The following MIPOL1 variants were observed in gnomAD, a reference collection of about 807,000 sequenced individuals.
MIPOL1 encodes the protein mirror-image polydactyly gene 1 protein.
Under a neutral mutation model 60.9 loss-of-function variants are expected in MIPOL1, and 57 were observed. The ratio of observed to expected loss-of-function variants is 0.94; its 90% CI spans 0.76 to 1.17. MIPOL1 has a LOEUF of 1.17. Ranked by LOEUF, MIPOL1 falls within the 50% of genes most tolerant of loss-of-function variation. The pLI, the probability that MIPOL1 is intolerant of heterozygous loss-of-function variation, is 0.00. For missense variants in MIPOL1, 551 were observed against 511.6 expected (o/e 1.08, Z -0.74); for synonymous variants, 179 against 168.8 (o/e 1.06, Z -0.47).
At chr14:37,441,375 A>G (rs1238934159) in intron 11 of MIPOL1, among the ~76,000 whole-genome samples, 3 of 152,122 alleles carry the variant, frequency 2.0e-5, no homozygotes, top group Admixed American at 6.6e-5. Flanking sequence ...TTTAGGTCTT[A>G]TATTTAAGTA....
intron 4 of MIPOL1, 117 bp from the exon 5 acceptor site, chr14:37,268,541 C>G: frequency 2.7e-6 from 2 of 745,122 alleles, no homozygotes. Flanking sequence ...CATCTCTTTT[C>G]CTTTCCCTTC....
intron 12 of MIPOL1, among the ~76,000 whole-genome samples, chr14:37,516,008 G>A (rs1285544795): frequency 6.6e-6 from 1 of 152,174 alleles, no homozygotes; most frequent in East Asian, 1.9e-4. Context: ...TGCGATCTGA[G>A]GGGAATGCCT....
chr14:37,350,257 T>C (rs893555677), intron 9 of MIPOL1, among the ~76,000 whole-genome samples: 7 of 152,112 alleles, frequency 4.6e-5, no homozygotes, highest in Admixed American at 3.3e-4. Flanking sequence ...TTTTTATTTT[T>C]GTGGAGGTGT....
intron 7 of MIPOL1, among the ~76,000 whole-genome samples, chr14:37,288,251 C>A (rs964458903): frequency 1.3e-5 from 2 of 151,794 alleles, no homozygotes; most frequent in Non-Finnish European, 2.9e-5. Context: ...AAGCAATCTG[C>A]CCACCTTGAC....
chr14:37,447,700 T>G (rs987825736), intron 11 of MIPOL1, among the ~76,000 whole-genome samples: 2 of 152,178 alleles, frequency 1.3e-5, no homozygotes, highest in Admixed American at 1.3e-4. Context: ...TGGAGGTAAT[T>G]CAGTGCTATT....
chr14:37,417,485 T>G (rs918156513), intron 10 of MIPOL1, among the ~76,000 whole-genome samples: 3 of 152,134 alleles, frequency 2.0e-5, no homozygotes, highest in Admixed American at 6.6e-5. Context: ...AAATACACAA[T>G]GGTAAGCAAT....
intron 3 of MIPOL1, among the ~76,000 whole-genome samples, chr14:37,260,346 A>G (rs2082437068): frequency 6.6e-6 from 1 of 151,914 alleles, no homozygotes; most frequent in Non-Finnish European, 1.5e-5. Flanking sequence ...GTTCCAGTAT[A>G]TTTTAGGAAG....
At chr14:37,229,322 T>G (rs1970261280) in intron 1 of MIPOL1, among the ~76,000 whole-genome samples, 1 of 152,098 alleles carries the variant, frequency 6.6e-6, no homozygotes. Flanking sequence ...CAGCTAGTAT[T>G]TTTTGTAGAG....
chr14:37,218,931 A>G (rs972908218), intron 1 of MIPOL1, among the ~76,000 whole-genome samples: 1 of 138,950 alleles, frequency 7.2e-6, no homozygotes, highest in Non-Finnish European at 1.5e-5. Context: ...TTTCAAAAAA[A>G]AAAAAAAAAA....
chr14:37,298,551 A>G (rs1181963130), intron 7 of MIPOL1, among the ~76,000 whole-genome samples: 1 of 152,322 alleles, frequency 6.6e-6, no homozygotes, highest in South Asian at 2.1e-4. Flanking sequence ...CAACCTACTC[A>G]TCTGACAAAG....
intron 7 of MIPOL1, among the ~76,000 whole-genome samples, chr14:37,293,832 C>A (rs1211100914): frequency 1.3e-5 from 2 of 152,164 alleles, no homozygotes; most frequent in Non-Finnish European, 2.9e-5. Context: ...TGGGTGGGGC[C>A]CACCACAGCT....
intron 12 of MIPOL1, chr14:37,507,215 G>C (rs1463315118): frequency 1.3e-5 from 2 of 152,102 alleles, no homozygotes; most frequent in African/African-American, 4.8e-5. Context: ...CAAGGATCTA[G>C]AACTAGAAAT....
intron 10 of MIPOL1, among the ~76,000 whole-genome samples, chr14:37,414,624 G>C (rs570293959): frequency 6.6e-6 from 1 of 151,914 alleles, no homozygotes; most frequent in Non-Finnish European, 1.5e-5. Flanking sequence ...ACCTTTTACT[G>C]CTTCAAGGTT....
At chr14:37,355,993 G>A (rs1208410792) in intron 9 of MIPOL1, among the ~76,000 whole-genome samples, 2 of 143,506 alleles carry the variant, frequency 1.4e-5, no homozygotes, top group African/African-American at 5.1e-5. Flanking sequence ...CTGCTTTTTA[G>A]AGTTTCCAGT....
chr14:37,535,169 T>C (rs2095500312), intron 12 of MIPOL1, among the ~76,000 whole-genome samples: 1 of 152,190 alleles, frequency 6.6e-6, no homozygotes, highest in African/African-American at 2.4e-5. Context: ...TATTAATTGA[T>C]ATGATTGATT....
rs1259646956 is a variant in MIPOL1, at chr14:37,549,706, T to TG, written c.*2735_*2736insG. 6.6e-6 allele frequency: 1 copy of TG among 151,960 alleles called. No homozygotes were observed. The highest frequency in any genetic ancestry group is 2.4e-5 in the African/African-American group (1 of 41,446). 9.4% of individuals were successfully genotyped at this position (151,960 alleles called of 1,614,324 possible). A position where few individuals can be genotyped will look rare whatever the true frequency, so the allele number is the denominator to read the frequency against. ...TAATCAAAAGATTGTACACATTTTT[T>TG]TCAATGAAGTACAATAATGTGAACT... On this transcript the variant is annotated 3_prime_UTR_variant, in exon 13 of 13. Coordinates refer to ENST00000684589, the MANE Select transcript of MIPOL1 (RefSeq NM_001388067.1).
At chr14:37,467,828 C>T (rs1050726463) in intron 11 of MIPOL1, among the ~76,000 whole-genome samples, 10 of 151,732 alleles carry the variant, frequency 6.6e-5, no homozygotes, top group Non-Finnish European at 1.3e-4. Context: ...GCTGAGGTGG[C>T]GGATCACCTG....
chr14:37,330,858 C>A (rs2089618869), intron 9 of MIPOL1, among the ~76,000 whole-genome samples: 1 of 152,008 alleles, frequency 6.6e-6, no homozygotes, highest in South Asian at 2.1e-4. Flanking sequence ...GTTAAACAGA[C>A]AAGTGATAAA....
intron 12 of MIPOL1, among the ~76,000 whole-genome samples, chr14:37,526,318 C>T (rs2095446042): frequency 6.7e-6 from 1 of 148,630 alleles, no homozygotes; most frequent in Non-Finnish European, 1.5e-5. Context: ...TATTGCTGTA[C>T]TATACAGTGA....
Sources: allele counts gnomAD v4.1 joint callset (sites outside exome capture counted in the v4.1 genomes callset), GRCh38; gene constraint gnomAD v4.1.1; transcripts MANE v1.5; gene names NCBI Gene and HGNC (gene_info 2026-07-23, HGNC 2026-07-21).